CDC27: variants seen among roughly 807,000 people sequenced by gnomAD.
CDC27 encodes the protein cell division cycle 27.
CDC27 carries 27 observed loss-of-function variants against 109.7 expected under a neutral mutation model. The ratio of observed to expected loss-of-function variants is 0.25; its 90% CI spans 0.18 to 0.34. CDC27 has a LOEUF of 0.34. CDC27 is among the 10% of genes least tolerant of loss of function. CDC27 has a pLI of 1.00. For synonymous variants in CDC27, 266 were observed against 333.9 expected (o/e 0.80, Z 2.22); for missense variants, 579 against 960.2 (o/e 0.60, Z 5.25).
chr17:47,153,268 A>G (rs1218083647), intron 8 of CDC27, among the ~76,000 whole-genome samples: 1 of 152,206 alleles, frequency 6.6e-6, no homozygotes, highest in Non-Finnish European at 1.5e-5. Flanking sequence ...AGGATGAGAG[A>G]GCAATCTTAT....
At chr17:47,139,650 GT>G (rs1442736900) in intron 12 of CDC27, 1 of 152,152 alleles carries the variant, frequency 6.6e-6, no homozygotes, top group African/African-American at 2.4e-5. Flanking sequence ...CCGAGAGGTT[GT>G]GCCAGAAAAT....
intron 4 of CDC27, chr17:47,159,231 G>A: frequency 2.1e-6 from 1 of 486,934 alleles, no homozygotes. Context: ...CCTCTGTACG[G>A]AGACTCTAGT....
chr17:47,133,179 C>T (rs2062447459), intron 14 of CDC27, among the ~76,000 whole-genome samples: 1 of 145,524 alleles, frequency 6.9e-6, no homozygotes, highest in Non-Finnish European at 1.5e-5. Flanking sequence ...GCTCTTGTTG[C>T]CCAGGCTGGA....
intron 2 of CDC27, among the ~76,000 whole-genome samples, chr17:47,176,675 A>G (rs1197630302): frequency 6.6e-6 from 1 of 152,236 alleles, no homozygotes; most frequent in Non-Finnish European, 1.5e-5. Flanking sequence ...AAGAAGGAAC[A>G]TAAATTTGGG....
intron 2 of CDC27, among the ~76,000 whole-genome samples, chr17:47,177,248 T>A (rs911343729): frequency 1.3e-5 from 2 of 152,092 alleles, no homozygotes; most frequent in African/African-American, 4.8e-5. Flanking sequence ...TAGGGAGATC[T>A]TGACTTAAAA....
intron 4 of CDC27, among the ~76,000 whole-genome samples, chr17:47,166,029 A>G (rs1355623874): frequency 6.6e-6 from 1 of 152,180 alleles, no homozygotes; most frequent in African/African-American, 2.4e-5. Context: ...TAGTAATTCT[A>G]GTTTCAATTT....
chr17:47,131,611 C>T (rs375381741), intron 15 of CDC27, among the ~76,000 whole-genome samples: 1 of 151,822 alleles, frequency 6.6e-6, no homozygotes, highest in African/African-American at 2.4e-5. Flanking sequence ...CTAATAAATG[C>T]GATTTTAAAA....
chr17:47,167,786 C>T (rs1033026116), intron 4 of CDC27, among the ~76,000 whole-genome samples: 1 of 152,180 alleles, frequency 6.6e-6, no homozygotes, highest in East Asian at 1.9e-4. Context: ...TACCATCTAC[C>T]TGTAGACAGC....
intron 16 of CDC27, among the ~76,000 whole-genome samples, chr17:47,124,433 G>A (rs1178653424): frequency 2.6e-5 from 4 of 151,930 alleles, no homozygotes; most frequent in African/African-American, 4.8e-5. Context: ...ACAGGCATGC[G>A]CCACCACACC....
At chr17:47,145,879 A>G (rs78879455) in intron 9 of CDC27, among the ~76,000 whole-genome samples, 15,867 of 151,838 alleles carry the variant, frequency 0.1, 945 homozygotes, top group South Asian at 0.2. Context: ...CCTGGGCGAC[A>G]ACAGCGAAAC....
chr17:47,169,738 T>A (rs1761624031), intron 4 of CDC27, 179 bp downstream of exon 4: 2 of 398,886 alleles, frequency 5.0e-6, no homozygotes, highest in South Asian at 2.1e-4. Context: ...TCAGTAAGGA[T>A]AAGTGGAGAG....
At chr17:47,143,464 A>T (rs1351943760) in intron 10 of CDC27, among the ~76,000 whole-genome samples, 1 of 152,132 alleles carries the variant, frequency 6.6e-6, no homozygotes, top group Admixed American at 6.5e-5. Context: ...ATAGTTCTAT[A>T]AAATTTTATC....
Position 47,141,988 on chromosome 17 carries a change from A to G in CDC27, c.1416T>C (p.Gly472=), listed in dbSNP as rs7220394. The change falls in exon 12 of 19, where the codon GGT becomes GGC. Residue 472 remains glycine (G), a synonymous_variant. Coordinates refer to ENST00000066544, the MANE Select transcript of CDC27 (RefSeq NM_001256.6). ...LMSLLREMGK[G]YLALCSYNCK... ...AGTTGTATGAACACAAAGCTAAATA[A>G]CCTTTCCCCATTTCACGAAGAAGGC... is the stretch of plus-strand genomic sequence containing the variant. The G allele has an allele frequency of 0.055, 87,942 of 1,598,652 alleles. 2,826 individuals are homozygous for G. Among genetic ancestry groups the G allele is most frequent in the Middle Eastern group, 0.065 (391 of 5,986 alleles).
intron 9 of CDC27, among the ~76,000 whole-genome samples, chr17:47,147,479 T>C (rs1258560631): frequency 1.4e-5 from 2 of 147,884 alleles, no homozygotes; most frequent in Admixed American, 6.7e-5. Context: ...TAATCTACAA[T>C]GAAGAGGAAA....
chr17:47,186,423 T>C (rs1204676349), intron 1 of CDC27, among the ~76,000 whole-genome samples: 1 of 152,200 alleles, frequency 6.6e-6, no homozygotes, highest in Non-Finnish European at 1.5e-5. Flanking sequence ...AAAGGCTTAT[T>C]TACAACTTCA....
At chr17:47,137,118 TACG>T in intron 14 of CDC27, 31 bp downstream of exon 14, 1 of 1,336,984 alleles carries the variant, frequency 7.5e-7, no homozygotes, top group South Asian at 1.3e-5. Flanking sequence ...GCACCATCAA[TACG>T]ACTTTGTCTT....
intron 15 of CDC27, among the ~76,000 whole-genome samples, chr17:47,130,118 T>A (rs979520041): frequency 4.6e-5 from 7 of 152,160 alleles, no homozygotes; most frequent in Non-Finnish European, 5.9e-5. Flanking sequence ...TCTGAGCACG[T>A]TGGGAGGCCA....
chr17:47,175,774 C>T (rs1472709019), intron 2 of CDC27, among the ~76,000 whole-genome samples: 1 of 152,144 alleles, frequency 6.6e-6, no homozygotes, highest in Non-Finnish European at 1.5e-5. Context: ...TGAGATCACG[C>T]CACTGCACTC....
At chr17:47,137,968 T>A (rs1467790976) in intron 13 of CDC27, among the ~76,000 whole-genome samples, 3 of 151,894 alleles carry the variant, frequency 2.0e-5, no homozygotes, top group Non-Finnish European at 4.4e-5. Flanking sequence ...ACCTGGCTAA[T>A]TTTTGTATTT....
Sources: gnomAD v4.1 joint callset for allele counts (sites outside exome capture counted in the v4.1 genomes callset) on GRCh38, gnomAD v4.1.1 for gene constraint, MANE v1.5 for transcripts, NCBI Gene and HGNC (gene_info 2026-07-23, HGNC 2026-07-21) for gene names.